Variants in NCLN observed in about 807,000 individuals in gnomAD.
The protein encoded by NCLN is nicalin.
Under a neutral mutation model 69.5 loss-of-function variants are expected in NCLN, and 34 were observed. The ratio of observed to expected loss-of-function variants is 0.49; its 90% CI spans 0.37 to 0.65. NCLN has a LOEUF of 0.65. Among genes scored for constraint, NCLN ranks in the 30% least tolerant of loss-of-function variants. The pLI is 0.00. For missense variants in NCLN, 710 were observed against 804.8 expected (o/e 0.88, Z 1.42); for synonymous variants, 393 against 358.3 (o/e 1.10, Z -1.09).
At chr19:3,190,747 G>T (rs1277641469) in intron 1 of NCLN, among the ~76,000 whole-genome samples, 3 of 148,624 alleles carry the variant, frequency 2.0e-5, no homozygotes, top group African/African-American at 7.9e-5. Flanking sequence ...CGGCCCCCCT[G>T]CGTCAGGCCT....
intron 4 of NCLN, among the ~76,000 whole-genome samples, chr19:3,197,879 C>T (rs184537434): frequency 8.7e-4 from 132 of 152,306 alleles, no homozygotes; most frequent in Non-Finnish European, 1.3e-3. Flanking sequence ...CCTTGGCCTC[C>T]CAAAGTGCTG....
intron 2 of NCLN, among the ~76,000 whole-genome samples, chr19:3,193,057 G>T (rs1915869619): frequency 6.6e-6 from 1 of 151,086 alleles, no homozygotes; most frequent in Non-Finnish European, 1.5e-5. Context: ...ATGAGAAGGG[G>T]TGGGTGGGTT....
intron 1 of NCLN, among the ~76,000 whole-genome samples, chr19:3,188,755 G>A (rs905093734): frequency 6.6e-6 from 1 of 152,336 alleles, no homozygotes; most frequent in African/African-American, 2.4e-5. Flanking sequence ...GGGGTGAGCG[G>A]AGGAGCCCAT....
At chr19:3,193,540 C>T (rs1319027578) in intron 3 of NCLN, 112 bp downstream of exon 3, 1 of 1,289,990 alleles carries the variant, frequency 7.8e-7, no homozygotes, top group African/African-American at 1.5e-5. Flanking sequence ...TGTGGCATCC[C>T]TTCGCCGGGG....
Position 3,204,743 on chromosome 19 carries a change from G to A in NCLN, c.1200G>A (p.Met400Ile), listed in dbSNP as rs765009432. 3.3e-6 allele frequency: 5 copies of A among 1,537,274 alleles called. No homozygotes were observed. Among genetic ancestry groups the A allele is most frequent in the Non-Finnish European group, 4.4e-6 (5 of 1,141,162 alleles). ...SHRDGQRSSI[M>I]DVRSRVDSKT... is the part of the protein sequence containing the mutation. ...GTGACGGCCAGCGCAGCAGCATCAT[G>A]GACGTGCGGTGAGCGCGGCAGCACC... The change falls in exon 9 of 15, where the codon ATG becomes ATA. Residue 400 changes from methionine to isoleucine, a missense_variant. Met to Ile is a conservative substitution (Grantham distance 10). Coordinates refer to ENST00000246117, the MANE Select transcript of NCLN (RefSeq NM_020170.4).
At chr19:3,195,294 G>C (rs969049745) in intron 3 of NCLN, among the ~76,000 whole-genome samples, 10 of 151,702 alleles carry the variant, frequency 6.6e-5, no homozygotes, top group African/African-American at 2.2e-4. Context: ...CTGTCACCCA[G>C]ACTGGAGTGC....
chr19:3,204,519 C>T (rs1189160297), intron 8 of NCLN, 54 bp from the exon 9 acceptor site: 3 of 1,476,864 alleles, frequency 2.0e-6, no homozygotes, highest in Non-Finnish European at 2.7e-6. Flanking sequence ...GGGGAATGGG[C>T]TGGGGTGGCC....
In NCLN at chr19:3,206,244, C is replaced by T. The variant is rs1033895534; in HGVS notation, c.1336-18C>T. On this transcript the variant is annotated intron_variant, in intron 11 of 14. Transcript: ENST00000246117. ...GGTGGGCGGGGCCAGGCCATGACTA[C>T]CACCACCGTCCCTACAGCAGATCCA... 1.0e-5 allele frequency: 16 copies of T among 1,538,628 alleles called. 1 individual carries two copies. In the Admixed American group the frequency reaches 3.0e-4, roughly 29 times the overall value.
intron 1 of NCLN, among the ~76,000 whole-genome samples, chr19:3,188,978 C>T (rs927667297): frequency 2.0e-5 from 3 of 152,250 alleles, no homozygotes; most frequent in Admixed American, 2.0e-4. Context: ...CCCTCCACCA[C>T]CATCTTCCCG....
intron 8 of NCLN, 43 bp downstream of exon 8, chr19:3,204,187 A>G (rs1384143101): frequency 2.0e-6 from 3 of 1,480,692 alleles, no homozygotes; most frequent in Non-Finnish European, 2.7e-6. Flanking sequence ...TCTGCGGAGC[A>G]CACACATCGG....
chr19:3,207,220 G>A lies in NCLN; in HGVS notation c.1522G>A (p.Asp508Asn), dbSNP rs748169183. The A allele has an allele frequency of 8.1e-6, 13 of 1,613,644 alleles. No individual in the cohort carries two copies. The highest frequency in any genetic ancestry group is 4.0e-5 in the African/African-American group (3 of 74,930). Residue 508 changes from aspartate (D) to asparagine (N), a missense_variant, in exon 13 of 15, where the codon GAC becomes AAC. Physicochemically the swap from Asp to Asn is conservative, Grantham distance 23 (BLOSUM62 1). Transcript: ENST00000246117. ...DKRDPEFVFY[D>N]QLKQVMNAYR... ...CAGGGACCCAGAGTTTGTCTTCTAC[G>A]ACCAGCTGAAGCAAGTGATGAATGC...
chr19:3,201,436 A>T, intron 5 of NCLN, 87 bp from the exon 6 acceptor site: 1 of 904,072 alleles, frequency 1.1e-6, no homozygotes, highest in Non-Finnish European at 1.7e-6. Context: ...GGTGACGGAG[A>T]GATGACTGTG....
chr19:3,194,771 G>A (rs575969251), intron 3 of NCLN, among the ~76,000 whole-genome samples: 16 of 136,560 alleles, frequency 1.2e-4, no homozygotes, highest in African/African-American at 4.0e-4. Flanking sequence ...TCTTTTATGA[G>A]ACAGAGTCTC....
At chr19:3,202,249 G>T (rs566606634) in intron 6 of NCLN, among the ~76,000 whole-genome samples, 2 of 152,300 alleles carry the variant, frequency 1.3e-5, no homozygotes, top group East Asian at 1.9e-4. Flanking sequence ...AGGAGCTGGG[G>T]TCCCCCTGGT....
intron 12 of NCLN, 52 bp downstream of exon 12, chr19:3,206,477 C>T (rs1026414971): frequency 1.3e-6 from 2 of 1,502,978 alleles, no homozygotes; most frequent in Admixed American, 4.2e-5. Context: ...CGAGGGGGAC[C>T]TCCCCCTACT....
intron 1 of NCLN, 21 bp downstream of exon 1, chr19:3,186,235 C>G: frequency 7.5e-6 from 11 of 1,465,374 alleles, no homozygotes; most frequent in Non-Finnish European, 9.9e-6. Context: ...CCGGCCCACC[C>G]TCGGGGCTCC....
At chr19:3,198,673 C>A (rs867176918) in intron 4 of NCLN, 144 bp from the exon 5 acceptor site, 6 of 542,360 alleles carry the variant, frequency 1.1e-5, no homozygotes, top group Middle Eastern at 1.0e-3. Context: ...AGGCTGGCAC[C>A]TCCTGTGGTC....
chr19:3,202,232 GA>G (rs1916144727), intron 6 of NCLN, among the ~76,000 whole-genome samples: 2 of 152,148 alleles, frequency 1.3e-5, no homozygotes, highest in Admixed American at 1.3e-4. Flanking sequence ...GAGAGGAGGT[GA>G]ATCCCAGGAG....
chr19:3,189,469 C>T lies in NCLN; in HGVS notation c.185-3001C>T, dbSNP rs1357251177. On this transcript the variant is annotated intron_variant, in intron 1 of 14. Transcript: ENST00000246117. Reference sequence around the variant, plus strand: ...CTGCTTCCACGCAGAAACAGCTGAGCCCAGTGATTGTGCCAGAGCCCTATG... The same window carrying T: ...CTGCTTCCACGCAGAAACAGCTGAGTCCAGTGATTGTGCCAGAGCCCTATG... Among the ~76,000 whole-genome samples the T allele has an allele frequency of 2.0e-5, 3 of 152,220 alleles. No individual in the cohort carries two copies. The East Asian group carries it at 5.8e-4, about 29-fold the overall frequency.
Sources: gnomAD v4.1 joint callset for allele counts (sites outside exome capture counted in the v4.1 genomes callset) on GRCh38, gnomAD v4.1.1 for gene constraint, MANE v1.5 for transcripts, NCBI Gene and HGNC (gene_info 2026-07-23, HGNC 2026-07-21) for gene names.